The following LCN6 variants were observed in gnomAD, a reference collection of about 807,000 sequenced individuals.
LCN6 encodes lipocalin 6.
In LCN6, 20 loss-of-function variants were observed where a neutral mutation model predicts 21.4. The observed-to-expected ratio is 0.93, with a 90% CI of 0.66 to 1.36. The LOEUF is 1.36. LCN6 is among the 40% of genes most tolerant of loss of function. The pLI is 0.00. For synonymous variants in LCN6, 96 were observed against 89.0 expected (o/e 1.08, Z -0.44); for missense variants, 217 against 206.6 (o/e 1.05, Z -0.31).
chr9:136,745,537 C>G (rs1432351822), intron 3 of LCN6: 2 of 587,200 alleles, frequency 3.4e-6, no homozygotes, highest in African/African-American at 1.9e-5. Flanking sequence ...CAGGTGTGAA[C>G]GAGGAGCGGC....
Position 136,745,905 on chromosome 9 carries a change from C to A in LCN6, c.240G>T (p.Gly80=). Residue 80 remains glycine (G), a synonymous_variant, in exon 3 of 7, where the codon GGG becomes GGT. Coordinates refer to ENST00000341206, the MANE Select transcript of LCN6 (RefSeq NM_198946.3). The part of the protein sequence containing the change: ...RTLSSQHGLG[G]CDQSVMDLIK... ...TCAGGTCCATGACACTCTGGTCACACCCTCCCAGCCTGGAAAAGAAGGGGC... is the reference window on the plus strand; with the variant it reads ...TCAGGTCCATGACACTCTGGTCACAACCTCCCAGCCTGGAAAAGAAGGGGC... 1 of 1,613,746 alleles carries A rather than the reference C, an allele frequency of 6.2e-7. No individual in the cohort carries two copies. The highest frequency in any genetic ancestry group is 8.5e-7 in the Non-Finnish European group (1 of 1,179,942).
chr9:136,747,068 C>T (rs1261975831), intron 2 of LCN6: 1 of 227,352 alleles, frequency 4.4e-6, no homozygotes, highest in Non-Finnish European at 8.6e-6. Flanking sequence ...CATTATCCTC[C>T]TTTAAACAGA....
chr9:136,745,925 AG>A lies in LCN6; in HGVS notation c.231-12del. ...TCACACCCTCCCAGCCTGGAAAAGA[AG>A]GGGCCTGTCACCCACTCAGGGTCAA... On this transcript the variant is annotated splice_polypyrimidine_tract_variant and intron_variant, in intron 2 of 6. Coordinates refer to ENST00000341206, the MANE Select transcript of LCN6 (RefSeq NM_198946.3). The A allele has an allele frequency of 6.2e-7, 1 of 1,613,324 alleles. No homozygotes were observed. The highest frequency in any genetic ancestry group is 8.5e-7 in the Non-Finnish European group (1 of 1,179,694).
At chr9:136,747,937 G>A (rs1209756638) in intron 1 of LCN6, among the ~76,000 whole-genome samples, 1 of 125,358 alleles carries the variant, frequency 8.0e-6, no homozygotes, top group East Asian at 2.4e-4. Context: ...CTAGGCTCCA[G>A]CCCTCCAGCC....
chr9:136,745,643 G>T, intron 3 of LCN6: 1 of 618,734 alleles, frequency 1.6e-6, no homozygotes, highest in Non-Finnish European at 2.9e-6. Context: ...CCTCACTGGT[G>T]TCTGAGCCTG....
intron 3 of LCN6, 198 bp from the exon 4 acceptor site, chr9:136,745,478 G>A (rs1847025102): frequency 1.7e-6 from 1 of 604,162 alleles, no homozygotes; most frequent in Non-Finnish European, 2.9e-6. Flanking sequence ...GCATCAAGGG[G>A]CTTTCAGACA....
chr9:136,744,558 G>C lies in LCN6; in HGVS notation c.*22+82C>G. The C allele has an allele frequency of 1.2e-6, 1 of 856,540 alleles. No homozygotes were observed. The highest frequency in any genetic ancestry group is 1.9e-6 in the Non-Finnish European group (1 of 532,472). 53.1% of individuals were successfully genotyped at this position (856,540 alleles called of 1,614,324 possible). ...CAGGCAGAAGCCAGAATCAACCCCA[G>C]GGTCTCTGTCACCCCATCACGCCCT... On this transcript the variant is annotated intron_variant, in intron 5 of 6. Transcript: ENST00000341206. This position sits in a 1 kb window ranked among gnomAD's most constrained non-coding sequence, Gnocchi z 4.2.
intron 1 of LCN6, among the ~76,000 whole-genome samples, chr9:136,747,786 GT>G (rs1847067521): frequency 7.8e-6 from 1 of 127,466 alleles, no homozygotes; most frequent in African/African-American, 3.0e-5. Flanking sequence ...CCAGCCTCCA[GT>G]CTCCAACCCT....
chr9:136,745,733 G>A (rs1263290802), intron 3 of LCN6, 111 bp downstream of exon 3: 12 of 928,896 alleles, frequency 1.3e-5, no homozygotes, highest in African/African-American at 3.3e-5. Context: ...ACCAGAACCT[G>A]TAGCCTCCTG....
chr9:136,747,523 T>G lies in LCN6; in HGVS notation c.131A>C (p.Glu44Ala), dbSNP rs1295026914. Residue 44 changes from glutamate to alanine, a missense_variant, in exon 2 of 7, where the codon GAA (glutamate) becomes GCA (alanine). Transcript: ENST00000341206. ...GTCCTTCTCCATGGCAAAGCCCTTT[T>G]CCCGGGAGGCCACCGCAAGCACGTA... ...PWYVLAVASR[E>A]KGFAMEKDMK... 1 of 1,613,052 alleles carries G rather than the reference T, an allele frequency of 6.2e-7. No homozygotes were observed. The highest frequency in any genetic ancestry group is 1.3e-5 in the African/African-American group (1 of 74,892).
intron 2 of LCN6, among the ~76,000 whole-genome samples, chr9:136,747,131 C>T (rs1847049136): frequency 6.6e-6 from 1 of 152,148 alleles, no homozygotes; most frequent in Admixed American, 6.5e-5. Context: ...CTGACCACAG[C>T]CTGCAGCCCA....
chr9:136,745,080 C>T lies in LCN6; in HGVS notation c.412+90G>A, dbSNP rs116815908. On this transcript the variant is annotated intron_variant, in intron 4 of 6. Transcript: ENST00000341206. ...CACAGCTCCCCACGCGGCCCCCAAG[C>T]GGCCCACGCACCACACAGCTCCCAA... 4.4e-3 allele frequency: 4,936 copies of T among 1,126,830 alleles called. 253 individuals are homozygous for T. The African/African-American group carries it at 0.069, about 16-fold the overall frequency. 69.8% of individuals were successfully genotyped at this position (1,126,830 alleles called of 1,614,324 possible). A position where few individuals can be genotyped will look rare whatever the true frequency, so the allele number is the denominator to read the frequency against.
At chr9:136,748,055 A>G (rs867730035) in intron 1 of LCN6, among the ~76,000 whole-genome samples, 2 of 44,274 alleles carry the variant, frequency 4.5e-5, no homozygotes, top group Middle Eastern at 0.029. Flanking sequence ...CTCCAGTTCT[A>G]CAGCCCTCCA....
At chr9:136,747,859 C>G (rs556604909) in intron 1 of LCN6, among the ~76,000 whole-genome samples, 2 of 151,054 alleles carry the variant, frequency 1.3e-5, no homozygotes, top group African/African-American at 2.4e-5. Context: ...CTCCAGCCCT[C>G]CAGCCTCCAG....
chr9:136,745,419 C>G, intron 3 of LCN6, 139 bp from the exon 4 acceptor site: 1 of 644,184 alleles, frequency 1.6e-6, no homozygotes, highest in Admixed American at 2.4e-5. Flanking sequence ...TCCAAGCACA[C>G]CCAGAGCCCC....
rs547783893 is a variant in LCN6 at position 136,744,440 on chromosome 9, G to A, written c.*23-76C>T. On this transcript the variant is annotated intron_variant, in intron 5 of 6. Coordinates refer to ENST00000341206, the MANE Select transcript of LCN6 (RefSeq NM_198946.3). The surrounding 1 kb of genome is among the most constrained non-coding windows in gnomAD (Gnocchi z 4.2). ...CCCCAGGGCCCCACCCACAAGACTCGCCTGCCGTGGGGACAAGACCCCCAG... is the reference window on the plus strand; with the variant it reads ...CCCCAGGGCCCCACCCACAAGACTCACCTGCCGTGGGGACAAGACCCCCAG... The A allele has an allele frequency of 4.2e-5, 21 of 494,540 alleles. No individual in the cohort carries two copies. The highest frequency in any genetic ancestry group is 3.2e-4 in the East Asian group (11 of 34,062). 30.6% of individuals were successfully genotyped at this position (494,540 alleles called of 1,614,324 possible).
intron 1 of LCN6, among the ~76,000 whole-genome samples, 176 bp downstream of exon 1, chr9:136,748,218 A>T (rs942279625): frequency 6.6e-6 from 1 of 152,026 alleles, no homozygotes; most frequent in Non-Finnish European, 1.5e-5. Flanking sequence ...ACCCTCCAGC[A>T]TCCACCCCTC....
At chr9:136,745,354 GC>G in intron 3 of LCN6, 74 bp from the exon 4 acceptor site, 1 of 1,045,154 alleles carries the variant, frequency 9.6e-7, no homozygotes, top group Non-Finnish European at 1.5e-6. Context: ...GCTGATGCTG[GC>G]CACAGGGACA....
At chr9:136,745,337 C>A in intron 3 of LCN6, 57 bp from the exon 4 acceptor site, 1 of 1,225,820 alleles carries the variant, frequency 8.2e-7, no homozygotes, top group African/African-American at 1.5e-5. Flanking sequence ...CATCCAGGGG[C>A]CGCTGAGCTG....
Sources: gnomAD v4.1 joint callset for allele counts (sites outside exome capture counted in the v4.1 genomes callset) on GRCh38, gnomAD v4.1.1 for gene constraint, Gnocchi (gnomAD v3.1) non-coding constraint, MANE v1.5 for transcripts, NCBI Gene and HGNC (gene_info 2026-07-23, HGNC 2026-07-21) for gene names.